Variants in NUP62CL observed in about 807,000 individuals in gnomAD.
NUP62CL encodes nucleoporin-62 C-terminal-like protein.
NUP62CL carries 13 observed loss-of-function variants against 15.3 expected under a neutral mutation model. That is an observed-to-expected ratio of 0.85 (90% CI 0.55 to 1.35). NUP62CL has a LOEUF of 1.35. Among genes scored for constraint, NUP62CL ranks in the 40% most tolerant of loss-of-function variants. NUP62CL has a pLI of 0.00. For synonymous variants in NUP62CL, 54 were observed against 49.2 expected, an observed-to-expected ratio of 1.10 and a Z score of -0.41; for missense variants, 123 against 130.6, an observed-to-expected ratio of 0.94 and a Z score of 0.28.
At chrX:107,130,296 A>G (rs1194750631) in intron 8 of NUP62CL, among the ~76,000 whole-genome samples, 1 of 112,022 alleles carries the variant, frequency 8.9e-6, no homozygotes, top group Non-Finnish European at 1.9e-5. Context: ...AAAAGTTCAC[A>G]TGAGGTTCAG....
At chrX:107,181,553 T>TAA (rs1341611248) in intron 2 of NUP62CL, among the ~76,000 whole-genome samples, 1 of 105,227 alleles carries the variant, frequency 9.5e-6, no homozygotes, top group African/African-American at 3.4e-5. Flanking sequence ...ATTACTTTCC[T>TAA]AAAAAAAAAA....
intron 8 of NUP62CL, chrX:107,131,990 T>A: frequency 9.9e-7 from 1 of 1,006,317 alleles, no homozygotes; most frequent in Non-Finnish European, 1.4e-6. Flanking sequence ...GAAGAAAACA[T>A]AGGTGGGATG....
chrX:107,192,959 A>T (rs1205752157), intron 2 of NUP62CL, 70 bp downstream of exon 2: 1 of 111,601 alleles, frequency 9.0e-6, no homozygotes, highest in Non-Finnish European at 1.9e-5. Context: ...CCTATACCAG[A>T]TGTAGAGAAA....
chrX:107,189,755 C>T lies in NUP62CL; in HGVS notation c.-48+3274G>A, dbSNP rs184221836. Reference sequence around the variant, plus strand: ...TAAGCCATGATCGTGCCACTGTACTCCAGCCAGAGAGAGAGCGAGACCCTG... The same window carrying T: ...TAAGCCATGATCGTGCCACTGTACTTCAGCCAGAGAGAGAGCGAGACCCTG... On this transcript the variant is annotated intron_variant, in intron 2 of 8. Coordinates refer to ENST00000372466, the MANE Select transcript of NUP62CL (RefSeq NM_017681.3). Among the ~76,000 whole-genome samples, 24 of 102,389 alleles carry T rather than the reference C, an allele frequency of 2.3e-4. No individual in the cohort carries two copies. The Admixed American group carries it at 2.6e-3, about 11-fold the overall frequency. The allele number at this position is 102,389 out of a possible 115,157, so 88.9% of individuals were successfully genotyped here. A position where few individuals can be genotyped will look rare whatever the true frequency, so the allele number is the denominator to read the frequency against.
chrX:107,200,268 T>C (rs759029481), intron 1 of NUP62CL, among the ~76,000 whole-genome samples: 17 of 111,674 alleles, frequency 1.5e-4, no homozygotes, highest in African/African-American at 4.9e-4. Context: ...AAAAAGTTTT[T>C]ATTTTAATCC....
At chrX:107,155,821 G>A (rs764387636) in intron 4 of NUP62CL, among the ~76,000 whole-genome samples, 5 of 112,748 alleles carry the variant, frequency 4.4e-5, no homozygotes, top group Non-Finnish European at 5.6e-5. Context: ...AGCTCCCAGC[G>A]TGAGCGACAC....
intron 4 of NUP62CL, among the ~76,000 whole-genome samples, chrX:107,163,407 A>G (rs1437363981): frequency 9.0e-6 from 1 of 111,608 alleles, no homozygotes; most frequent in African/African-American, 3.3e-5. Flanking sequence ...AAACCCCCCC[A>G]AAATACTCAA....
chrX:107,131,657 G>C (rs6523923), intron 8 of NUP62CL: 134,694 of 597,615 alleles, frequency 0.23, 12,285 homozygotes, highest in East Asian at 0.51. Flanking sequence ...CGACTAGCGG[G>C]ATCTGGAGGA....
intron 3 of NUP62CL, among the ~76,000 whole-genome samples, chrX:107,174,295 G>A (rs1381845861): frequency 9.3e-6 from 1 of 107,413 alleles, no homozygotes; most frequent in Non-Finnish European, 1.9e-5. Flanking sequence ...GGGACTACAG[G>A]CATGCACCAC....
intron 1 of NUP62CL, among the ~76,000 whole-genome samples, chrX:107,195,967 G>A (rs779232708): frequency 1.5e-4 from 17 of 111,528 alleles, no homozygotes; most frequent in Non-Finnish European, 3.2e-4. Flanking sequence ...CATGGTGGGT[G>A]TTTATCCTGT....
chrX:107,147,788 G>T lies in NUP62CL; in HGVS notation c.552C>A (p.Phe184Leu). 1.7e-6 allele frequency: 2 copies of T among 1,198,727 alleles called. No individual in the cohort carries two copies. Residue 184 changes from phenylalanine (F) to leucine (L), a missense_variant, in exon 8 of 9, where the codon TTC becomes TTA. Transcript: ENST00000372466. Reference sequence around the variant, plus strand: ...TGCAGGGAGTCCATATGGGCATTCAGAATTCTGCAGATCTGGTGGAGCTAA... The same window carrying T: ...TGCAGGGAGTCCATATGGGCATTCATAATTCTGCAGATCTGGTGGAGCTAA... ...HVEISTRSAE[F>L]
chrX:107,177,367 G>A (rs1051301534), intron 2 of NUP62CL, among the ~76,000 whole-genome samples: 1 of 111,517 alleles, frequency 9.0e-6, no homozygotes, highest in Non-Finnish European at 1.9e-5. Context: ...GTGATAGACA[G>A]AAAACCAGTC....
intron 2 of NUP62CL, among the ~76,000 whole-genome samples, chrX:107,179,577 C>T (rs147558413): frequency 8.0e-4 from 90 of 112,133 alleles, no homozygotes; most frequent in African/African-American, 2.8e-3. Context: ...ATATCACAAA[C>T]GATATGATTT....
chrX:107,178,505 T>A (rs1400624991), intron 2 of NUP62CL, among the ~76,000 whole-genome samples: 4 of 112,620 alleles, frequency 3.6e-5, no homozygotes, highest in African/African-American at 9.7e-5. Flanking sequence ...TAATAGTAAT[T>A]GTTCAATAAA....
intron 2 of NUP62CL, among the ~76,000 whole-genome samples, chrX:107,187,307 C>A (rs1927084902): frequency 9.0e-6 from 1 of 110,989 alleles, no homozygotes; most frequent in Non-Finnish European, 1.9e-5. Context: ...GCAAAATAAG[C>A]CCAAAGCAAA....
chrX:107,164,316 A>G (rs1224681268), intron 4 of NUP62CL, among the ~76,000 whole-genome samples: 1 of 111,790 alleles, frequency 8.9e-6, no homozygotes, highest in Non-Finnish European at 1.9e-5. Context: ...TGAAATCACA[A>G]TATAACATAA....
rs765969798 is a variant in NUP62CL, at chrX:107,153,489, A to G, written c.360T>C (p.His120=). ...IENGEMIRIL[H]GEVNKVKLDQ... ...CCAGTTTCACTTTGTTCACTTCTCC[A>G]TGTAAAATACGAATCTATAAAGAGA... The change falls in exon 6 of 9, where the codon CAT becomes CAC. Residue 120 remains histidine, a synonymous_variant. Coordinates refer to ENST00000372466, the MANE Select transcript of NUP62CL (RefSeq NM_017681.3). 4.4e-6 allele frequency: 5 copies of G among 1,137,162 alleles called. No individual in the cohort carries two copies. The highest frequency in any genetic ancestry group is 5.9e-6 in the Non-Finnish European group (5 of 849,405). 93.7% of individuals were successfully genotyped at this position (1,137,162 alleles called of 1,213,427 possible).
At chrX:107,155,446 C>A (rs951712902) in intron 4 of NUP62CL, among the ~76,000 whole-genome samples, 5 of 112,278 alleles carry the variant, frequency 4.5e-5, no homozygotes, top group Non-Finnish European at 1.9e-5. Context: ...CAGCTGGGAG[C>A]TGAGCTTACA....
chrX:107,197,253 T>G (rs1927378702), intron 1 of NUP62CL, among the ~76,000 whole-genome samples: 1 of 112,344 alleles, frequency 8.9e-6, no homozygotes, highest in Non-Finnish European at 1.9e-5. Flanking sequence ...CTTGAATTAT[T>G]TCTTTTCACA....
Sources: gnomAD v4.1 joint callset for allele counts (sites outside exome capture counted in the v4.1 genomes callset) on GRCh38, gnomAD v4.1.1 for gene constraint, MANE v1.5 for transcripts, NCBI Gene and HGNC (gene_info 2026-07-23, HGNC 2026-07-21) for gene names.